The following MIR2052HG variants were observed in gnomAD, a reference collection of about 807,000 sequenced individuals.
The protein encoded by MIR2052HG is MIR2052 host gene.
chr8:74,650,868 C>A (rs1808744135), intron 2 of MIR2052HG, among the ~76,000 whole-genome samples: 1 of 152,122 alleles, frequency 6.6e-6, no homozygotes, highest in Admixed American at 6.5e-5. Context: ...AATGCATAAG[C>A]CCTGGTTTTA....
At chr8:74,662,372 A>G (rs1283604522) in intron 2 of MIR2052HG, among the ~76,000 whole-genome samples, 1 of 150,462 alleles carries the variant, frequency 6.6e-6, no homozygotes, top group Non-Finnish European at 1.5e-5. Context: ...CCGCATAAGA[A>G]GTAGGATTCT....
intron 2 of MIR2052HG, among the ~76,000 whole-genome samples, chr8:74,635,044 T>C (rs1808565173): frequency 6.6e-6 from 1 of 152,154 alleles, no homozygotes; most frequent in Non-Finnish European, 1.5e-5. Context: ...AAATGACTTA[T>C]TAGGATTTTA....
chr8:74,657,098 T>G (rs1032589036), intron 2 of MIR2052HG, among the ~76,000 whole-genome samples: 4 of 151,818 alleles, frequency 2.6e-5, no homozygotes, highest in Non-Finnish European at 5.9e-5. Flanking sequence ...ACAGGGAGAG[T>G]ACTCATTACC....
At chr8:74,681,180 T>A (rs1041784923) in intron 2 of MIR2052HG, among the ~76,000 whole-genome samples, 3 of 151,282 alleles carry the variant, frequency 2.0e-5, no homozygotes, top group African/African-American at 7.3e-5. Context: ...AACCTGCACA[T>A]TGTGCACATG....
chr8:74,658,018 C>A (rs1488519169), intron 2 of MIR2052HG, among the ~76,000 whole-genome samples: 1 of 152,148 alleles, frequency 6.6e-6, no homozygotes, highest in Non-Finnish European at 1.5e-5. Flanking sequence ...TCTCAGTTTT[C>A]CTACTCCAAT....
intron 2 of MIR2052HG, among the ~76,000 whole-genome samples, chr8:74,693,152 C>G (rs1359586643): frequency 6.6e-6 from 1 of 152,196 alleles, no homozygotes; most frequent in Non-Finnish European, 1.5e-5. Context: ...TTTTATTCTT[C>G]TCTTCTTAAG....
intron 2 of MIR2052HG, among the ~76,000 whole-genome samples, chr8:74,661,679 G>C (rs1808866686): frequency 6.6e-6 from 1 of 152,186 alleles, no homozygotes; most frequent in Non-Finnish European, 1.5e-5. Flanking sequence ...GTTTGGCTCA[G>C]AATTTAAAGC....
intron 4 of MIR2052HG, among the ~76,000 whole-genome samples, chr8:74,710,604 G>A (rs749441004): frequency 6.6e-6 from 1 of 152,090 alleles, no homozygotes; most frequent in Non-Finnish European, 1.5e-5. Context: ...TTTGCACTGA[G>A]AGTCCCTGAA....
intron 2 of MIR2052HG, among the ~76,000 whole-genome samples, chr8:74,672,411 G>C (rs1586909745): frequency 6.6e-6 from 1 of 152,200 alleles, no homozygotes; most frequent in South Asian, 2.1e-4. Flanking sequence ...GGATATCATA[G>C]TAATGGTGAT....
chr8:74,617,750 T>G (rs1424474437), intron 2 of MIR2052HG, among the ~76,000 whole-genome samples: 1 of 152,292 alleles, frequency 6.6e-6, no homozygotes, highest in African/African-American at 2.4e-5. Flanking sequence ...GATCAAATGG[T>G]AGTTCTATTT....
chr8:74,717,164 C>T (rs190528947), intron 4 of MIR2052HG, among the ~76,000 whole-genome samples: 11 of 151,956 alleles, frequency 7.2e-5, no homozygotes, highest in Admixed American at 2.0e-4. Flanking sequence ...CCCTCACCCC[C>T]GACCCCCTGA....
intron 4 of MIR2052HG, among the ~76,000 whole-genome samples, chr8:74,710,680 C>T (rs1171151558): frequency 6.6e-6 from 1 of 152,044 alleles, no homozygotes; most frequent in African/African-American, 2.4e-5. Context: ...ATAGTGGAGA[C>T]TATCCTGGGT....
intron 2 of MIR2052HG, among the ~76,000 whole-genome samples, chr8:74,690,404 A>T (rs914823502): frequency 1.2e-4 from 18 of 152,184 alleles, no homozygotes; most frequent in African/African-American, 3.9e-4. Context: ...AATTTAGCAC[A>T]TATAGAATCG....
chr8:74,684,400 C>T (rs1052238406), intron 2 of MIR2052HG, among the ~76,000 whole-genome samples: 2 of 151,994 alleles, frequency 1.3e-5, no homozygotes, highest in South Asian at 2.1e-4. Context: ...ACTAACGTTC[C>T]GTTCGCTAAA....
chr8:74,672,943 G>A (rs981003705), intron 2 of MIR2052HG, among the ~76,000 whole-genome samples: 6 of 151,968 alleles, frequency 3.9e-5, no homozygotes, highest in African/African-American at 1.4e-4. Flanking sequence ...CTGTTGACCT[G>A]CTTTTTTGAG....
chr8:74,609,802 G>A (rs778271360), intron 1 of MIR2052HG: 6 of 150,608 alleles, frequency 4.0e-5, no homozygotes, highest in Non-Finnish European at 1.5e-5. Flanking sequence ...TAAAAAGAGA[G>A]TGCTTCAACC....
chr8:74,747,194 T>C (rs915982256), intron 4 of MIR2052HG, among the ~76,000 whole-genome samples: 3 of 152,150 alleles, frequency 2.0e-5, no homozygotes, highest in African/African-American at 4.8e-5. Flanking sequence ...CACTAATGAG[T>C]ATGTGACATT....
chr8:74,608,412 GA>G (rs1299095198), intron 1 of MIR2052HG, among the ~76,000 whole-genome samples: 1 of 152,010 alleles, frequency 6.6e-6, no homozygotes, highest in East Asian at 1.9e-4. Context: ...AAGATGAAGA[GA>G]AAAAAACATC....
At chr8:74,632,707 G>A (rs1331441787) in intron 2 of MIR2052HG, among the ~76,000 whole-genome samples, 2 of 152,020 alleles carry the variant, frequency 1.3e-5, no homozygotes, top group East Asian at 3.9e-4. Flanking sequence ...GAATATTTAG[G>A]TTGCCAGTGC....
Sources: gnomAD v4.1 joint callset for allele counts (sites outside exome capture counted in the v4.1 genomes callset) on GRCh38, gnomAD v4.1.1 for gene constraint, MANE v1.5 for transcripts, NCBI Gene and HGNC (gene_info 2026-07-23, HGNC 2026-07-21) for gene names.